The following SH2D4B variants were observed in gnomAD, a reference collection of about 807,000 sequenced individuals.
SH2D4B encodes SH2 domain containing 4B, also known as SH2 domain-containing protein 4B.
SH2D4B carries 45 observed loss-of-function variants against 61.5 expected under a neutral mutation model. The ratio of observed to expected loss-of-function variants is 0.73; its 90% confidence interval spans 0.58 to 0.94. The LOEUF (loss-of-function observed/expected upper bound fraction) is 0.94, where lower values mean the gene tolerates loss of function less well. SH2D4B is among the 40% of genes least tolerant of loss of function. The pLI is 0.00. For missense variants in SH2D4B, 572 were observed against 574.2 expected (o/e 1.00, Z 0.04); for synonymous variants, 224 against 220.4 (o/e 1.02, Z -0.14).
At chr10:80,588,529 ACT>A in intron 3 of SH2D4B, 99 bp from the exon 4 acceptor site, 1 of 1,460,036 alleles carries the variant, frequency 6.8e-7, no homozygotes, top group Non-Finnish European at 9.3e-7. Flanking sequence ...CCACTGCTGC[ACT>A]CTCAGCCCCA....
Position 80,539,224 on chromosome 10 carries a change from CT to C in SH2D4B, c.184+710del, listed in dbSNP as rs747156617. Among the ~76,000 whole-genome samples the C allele has an allele frequency of 1.8e-4, 27 of 152,372 alleles. No individual in the cohort carries two copies. In the East Asian group the frequency reaches 4.2e-3, roughly 24 times the overall value. On this transcript the variant is annotated intron_variant, in intron 1 of 7. Coordinates refer to ENST00000646907, the MANE Select transcript of SH2D4B (RefSeq NM_001388272.1). The surrounding 1 kb of genome is among the most constrained non-coding windows in gnomAD (Gnocchi z 4.9). Reference sequence around the variant, plus strand: ...GGGTGAAGGAAATCATCCAGGACCCCTGGGCCAGAAACTGGCAGGCTGCTGA... The same window carrying C: ...GGGTGAAGGAAATCATCCAGGACCCCGGGCCAGAAACTGGCAGGCTGCTGA...
At chr10:80,563,058 C>T (rs959945400) in intron 1 of SH2D4B, among the ~76,000 whole-genome samples, 9 of 151,550 alleles carry the variant, frequency 5.9e-5, no homozygotes, top group African/African-American at 1.7e-4. Flanking sequence ...CCTGCCACTA[C>T]GCCCGGCTAA....
At chr10:80,632,924 A>T (rs1277065671) in intron 6 of SH2D4B, among the ~76,000 whole-genome samples, 1 of 150,936 alleles carries the variant, frequency 6.6e-6, no homozygotes, top group African/African-American at 2.4e-5. Context: ...TTGGCTGGGG[A>T]GGGGTGGCTG....
chr10:80,555,560 A>G (rs1841822903), intron 1 of SH2D4B, among the ~76,000 whole-genome samples: 1 of 152,086 alleles, frequency 6.6e-6, no homozygotes, highest in South Asian at 2.1e-4. Flanking sequence ...TGGGAGTCTG[A>G]TTGGTCTAGC....
intron 4 of SH2D4B, among the ~76,000 whole-genome samples, chr10:80,602,090 C>T (rs1331505810): frequency 6.6e-6 from 1 of 152,196 alleles, no homozygotes; most frequent in Non-Finnish European, 1.5e-5. Flanking sequence ...TCCCAGAACT[C>T]CCATTTGAGA....
At chr10:80,546,793 C>T (rs931568009) in intron 1 of SH2D4B, among the ~76,000 whole-genome samples, 1 of 152,184 alleles carries the variant, frequency 6.6e-6, no homozygotes, top group Non-Finnish European at 1.5e-5. Context: ...TCCCAAAGTG[C>T]TGGGATTACA....
intron 3 of SH2D4B, 23 bp downstream of exon 3, chr10:80,571,601 T>G (rs375319325): frequency 6.2e-7 from 1 of 1,611,524 alleles, no homozygotes; most frequent in Non-Finnish European, 8.5e-7. Flanking sequence ...ATGGGGCCCC[T>G]GCGTGCGGCC....
At chr10:80,557,451 T>C (rs183888351) in intron 1 of SH2D4B, among the ~76,000 whole-genome samples, 7 of 152,262 alleles carry the variant, frequency 4.6e-5, no homozygotes, top group African/African-American at 1.7e-4. Context: ...CATTTGGTAT[T>C]ATTTCTTCCT....
intron 7 of SH2D4B, 99 bp downstream of exon 7, chr10:80,634,604 G>A (rs572054717): frequency 7.4e-5 from 109 of 1,481,886 alleles, no homozygotes; most frequent in Non-Finnish European, 8.9e-5. Context: ...GCTGGCTCTG[G>A]GCAGTGGGGC....
intron 1 of SH2D4B, among the ~76,000 whole-genome samples, chr10:80,561,536 T>C (rs2132112554): frequency 6.6e-6 from 1 of 152,364 alleles, no homozygotes; most frequent in African/African-American, 2.4e-5. Context: ...CAATGGATTT[T>C]CAACTTATTT....
chr10:80,600,521 A>ATGTGTGTGTGTGTGTGTGTG (rs67885510), intron 4 of SH2D4B, among the ~76,000 whole-genome samples: 8 of 127,892 alleles, frequency 6.3e-5, no homozygotes, highest in African/African-American at 2.1e-4. Context: ...GCAGAGTGGC[A>ATGTGTGTGTGTGTGTGTGTG]TGTGTGTGTG....
chr10:80,583,417 C>T (rs1842206444), intron 3 of SH2D4B, among the ~76,000 whole-genome samples: 1 of 151,528 alleles, frequency 6.6e-6, no homozygotes, highest in Non-Finnish European at 1.5e-5. Context: ...ACCTGTAATC[C>T]CAGCACTTTA....
chr10:80,631,290 C>T (rs189706518), intron 6 of SH2D4B, among the ~76,000 whole-genome samples: 24 of 152,290 alleles, frequency 1.6e-4, no homozygotes, highest in Admixed American at 5.2e-4. Flanking sequence ...GCTCTGTTTT[C>T]CAGGCTAGAG....
At chr10:80,556,579 G>A (rs987561063) in intron 1 of SH2D4B, among the ~76,000 whole-genome samples, 3 of 152,108 alleles carry the variant, frequency 2.0e-5, no homozygotes, top group African/African-American at 7.2e-5. Flanking sequence ...ATTTATTTAG[G>A]TCGTCAATTT....
At chr10:80,556,070 T>A (rs1841833578) in intron 1 of SH2D4B, among the ~76,000 whole-genome samples, 1 of 152,186 alleles carries the variant, frequency 6.6e-6, no homozygotes, top group Non-Finnish European at 1.5e-5. Flanking sequence ...TATACATATA[T>A]GACCTTTCTC....
chr10:80,565,336 C>T (rs1336749273), intron 1 of SH2D4B, among the ~76,000 whole-genome samples: 2 of 151,664 alleles, frequency 1.3e-5, no homozygotes, highest in African/African-American at 4.9e-5. Context: ...CCTTCCCAGC[C>T]TCTGGTAACC....
In SH2D4B at chr10:80,588,667, A is replaced by C. The variant is rs753374546; in HGVS notation, c.533A>C (p.Gln178Pro). 3.7e-6 allele frequency: 6 copies of C among 1,613,950 alleles called. No individual in the cohort carries two copies. The highest frequency in any genetic ancestry group is 4.2e-6 in the Non-Finnish European group (5 of 1,180,040). Residue 178 changes from glutamine to proline, a missense_variant, in exon 4 of 8, where the codon CAG (glutamine) becomes CCG (proline). Gln to Pro is a moderately conservative substitution (Grantham distance 76). Transcript: ENST00000646907. ...EEEERKRGEE[Q>P]IRLQEEQRAK... is the part of the protein sequence containing the mutation. ...GAGGAGAGGAAGCGAGGAGAAGAGC[A>C]GATTCGCCTCCAGGAAGAGCAGAGG...
At chr10:80,640,724 T>C (rs1477899561) in intron 7 of SH2D4B, among the ~76,000 whole-genome samples, 3 of 152,220 alleles carry the variant, frequency 2.0e-5, no homozygotes, top group Non-Finnish European at 2.9e-5. Context: ...TTCCTTGCGA[T>C]GGGTTCAAAC....
At chr10:80,560,366 T>G (rs1841888702) in intron 1 of SH2D4B, among the ~76,000 whole-genome samples, 1 of 151,640 alleles carries the variant, frequency 6.6e-6, no homozygotes, top group South Asian at 2.1e-4. Context: ...ATTTATATAT[T>G]CTTAGATTTT....
Sources: gnomAD v4.1 joint callset for allele counts (sites outside exome capture counted in the v4.1 genomes callset) on GRCh38, gnomAD v4.1.1 for gene constraint, Gnocchi (gnomAD v3.1) non-coding constraint, MANE v1.5 for transcripts, NCBI Gene and HGNC (gene_info 2026-07-23, HGNC 2026-07-21) for gene names.